Variants in ARHGAP26 observed in about 807,000 individuals in gnomAD.
The protein encoded by ARHGAP26 is Rho GTPase activating protein 26.
Under a neutral mutation model 104.8 loss-of-function variants are expected in ARHGAP26, and 38 were observed. That is an observed-to-expected ratio of 0.36 (90% confidence interval 0.28 to 0.48). The LOEUF (loss-of-function observed/expected upper bound fraction) is 0.48, where lower values mean the gene tolerates loss of function less well. Among genes scored for constraint, ARHGAP26 ranks in the 20% least tolerant of loss-of-function variants. The pLI is 0.99. For synonymous variants in ARHGAP26, 341 were observed against 340.0 expected (o/e 1.00, Z -0.03); for missense variants, 704 against 947.9 (o/e 0.74, Z 3.38).
intron 7 of ARHGAP26, among the ~76,000 whole-genome samples, chr5:142,903,158 T>C (rs894282647): frequency 3.9e-5 from 6 of 152,140 alleles, no homozygotes; most frequent in African/African-American, 9.7e-5. Context: ...GCAACATTCA[T>C]GGCAGCTGGA....
At chr5:142,952,501 G>T (rs577107959) in intron 11 of ARHGAP26, among the ~76,000 whole-genome samples, 2 of 152,316 alleles carry the variant, frequency 1.3e-5, no homozygotes, top group East Asian at 3.9e-4. Flanking sequence ...ACAGAGGAAA[G>T]CCTTGATACC....
chr5:142,962,143 G>A (rs1007200122), intron 11 of ARHGAP26, among the ~76,000 whole-genome samples: 10 of 152,168 alleles, frequency 6.6e-5, no homozygotes, highest in African/African-American at 9.7e-5. Context: ...AAAACTCTAC[G>A]CCTGTCTTCT....
chr5:143,157,019 G>A (rs959927265), intron 20 of ARHGAP26, among the ~76,000 whole-genome samples: 2 of 152,140 alleles, frequency 1.3e-5, no homozygotes, highest in African/African-American at 4.8e-5. Context: ...TGCTGGTATT[G>A]ACAGAAAAAT....
intron 20 of ARHGAP26, chr5:143,203,561 C>G (rs1176148574): frequency 6.6e-6 from 1 of 152,188 alleles, no homozygotes. Flanking sequence ...ACCCAGCAAT[C>G]CCACTACTGT....
intron 1 of ARHGAP26, among the ~76,000 whole-genome samples, chr5:142,859,161 C>G (rs145809449): frequency 3.3e-5 from 5 of 152,234 alleles, no homozygotes; most frequent in South Asian, 4.2e-4. Context: ...TTGTTCTGGG[C>G]AGCTGAGTGA....
In ARHGAP26 at chr5:143,041,802, G is replaced by GT; in HGVS notation, c.1211-11dup. 6.2e-7 allele frequency: 1 copy of GT among 1,601,848 alleles called. No individual in the cohort carries two copies. Among genetic ancestry groups the GT allele is most frequent in the South Asian group, 1.1e-5 (1 of 89,492 alleles). ...ACGTGCCTCTAATTAAATCATCACT[G>GT]TTTCTTTCCTCAGGGATCAACGAGC... On this transcript the variant is annotated splice_polypyrimidine_tract_variant and intron_variant, in intron 13 of 22. Transcript: ENST00000645722.
At chr5:142,953,868 A>G (rs1277507297) in intron 11 of ARHGAP26, among the ~76,000 whole-genome samples, 2 of 152,292 alleles carry the variant, frequency 1.3e-5, no homozygotes, top group African/African-American at 4.8e-5. Context: ...GTTTGGCACT[A>G]AAGAGGACTT....
chr5:143,157,375 A>G (rs1389165507), intron 20 of ARHGAP26, among the ~76,000 whole-genome samples: 1 of 151,850 alleles, frequency 6.6e-6, no homozygotes, highest in Non-Finnish European at 1.5e-5. Context: ...ACAGCGTTTC[A>G]CCATGTTGGC....
intron 1 of ARHGAP26, among the ~76,000 whole-genome samples, chr5:142,782,360 T>C (rs963198075): frequency 6.6e-6 from 1 of 152,160 alleles, no homozygotes; most frequent in Non-Finnish European, 1.5e-5. Flanking sequence ...TGGGAGTGAC[T>C]GAATCTATAA....
chr5:142,770,666 G>A lies in ARHGAP26; in HGVS notation c.-96G>A, dbSNP rs1434909963. On this transcript the variant is annotated 5_prime_UTR_variant, in exon 1 of 23. Transcript: ENST00000645722. The stretch of plus-strand genomic sequence containing the variant: ...CACCTGTGGAGCCGGCGGCCGTCGG[G>A]GGAGCCGGCCGGGGTCCCGCCGCGT... 1.1e-5 allele frequency: 10 copies of A among 937,748 alleles called. No individual in the cohort carries two copies. Among genetic ancestry groups the A allele is most frequent in the South Asian group, 4.9e-5 (1 of 20,376 alleles). The allele number at this position is 937,748 out of a possible 1,614,324, so 58.1% of individuals were successfully genotyped here. A position where few individuals can be genotyped will look rare whatever the true frequency, so the allele number is the denominator to read the frequency against.
rs1755015867 is a variant in ARHGAP26 at position 142,770,686 on chromosome 5, CCGCGTGAGTG to C, written c.-74_-65del. ...GTCGGGGGAGCCGGCCGGGGTCCCG[CCGCGTGAGTG>C]CTCTGGGCGGCGGGCGGCCCGGGCC... On this transcript the variant is annotated 5_prime_UTR_variant, in exon 1 of 23. Coordinates refer to ENST00000645722, the MANE Select transcript of ARHGAP26 (RefSeq NM_001135608.3). 9.7e-7 allele frequency: 1 copy of C among 1,030,748 alleles called. No homozygotes were observed. The highest frequency in any genetic ancestry group is 1.7e-5 in the African/African-American group (1 of 57,914). The allele number at this position is 1,030,748 out of a possible 1,614,324, so 63.9% of individuals were successfully genotyped here. A position where few individuals can be genotyped will look rare whatever the true frequency, so the allele number is the denominator to read the frequency against.
rs1292748437 is a variant in ARHGAP26 at position 142,949,201 on chromosome 5, GAGAGA to G, written c.1107+17077_1107+17081del. 2.0e-4 allele frequency among the ~76,000 whole-genome samples: 3 copies of G among 15,230 alleles called. 1 individual carries two copies. Among genetic ancestry groups the G allele is most frequent in the African/African-American group, 9.2e-4 (2 of 2,176 alleles). 10.0% of individuals were successfully genotyped at this position (15,230 alleles called of 152,430 possible). Reference sequence around the variant, plus strand: ...AGAGAGAGAGAGAGAGAGAGAGAGAGAGAGAGAGAGAGAGAGAGAGGAGAGAGAGA... The same window carrying G: ...AGAGAGAGAGAGAGAGAGAGAGAGAGGAGAGAGAGAGAGAGGAGAGAGAGA... On this transcript the variant is annotated intron_variant, in intron 11 of 22. Transcript: ENST00000645722.
At chr5:142,954,395 C>T (rs1311670413) in intron 11 of ARHGAP26, among the ~76,000 whole-genome samples, 1 of 152,192 alleles carries the variant, frequency 6.6e-6, no homozygotes, top group Non-Finnish European at 1.5e-5. Flanking sequence ...CCCAAGGCTA[C>T]CTGTACTCTG....
intron 20 of ARHGAP26, among the ~76,000 whole-genome samples, chr5:143,167,734 G>T (rs1034462018): frequency 1.3e-5 from 2 of 152,074 alleles, no homozygotes; most frequent in Admixed American, 6.6e-5. Flanking sequence ...TTAAGAATTT[G>T]TCTTGCCTAC....
chr5:142,993,186 G>A (rs1248406538), intron 11 of ARHGAP26, among the ~76,000 whole-genome samples: 3 of 132,114 alleles, frequency 2.3e-5, no homozygotes, highest in South Asian at 2.5e-4. Context: ...TTTTTGAGAC[G>A]GAGTCTCGCT....
At chr5:142,805,883 AGT>A (rs1413611559) in intron 1 of ARHGAP26, among the ~76,000 whole-genome samples, 2 of 152,186 alleles carry the variant, frequency 1.3e-5, no homozygotes, top group Admixed American at 1.3e-4. Context: ...TTAACCTTCC[AGT>A]GGCAATAGTC....
chr5:143,009,683 A>G (rs1778468082), intron 11 of ARHGAP26, among the ~76,000 whole-genome samples: 1 of 152,252 alleles, frequency 6.6e-6, no homozygotes, highest in African/African-American at 2.4e-5. Context: ...CTTCAGAAGC[A>G]TATACTTGAA....
intron 11 of ARHGAP26, among the ~76,000 whole-genome samples, chr5:143,007,047 T>TA (rs1462158976): frequency 2.6e-5 from 4 of 151,740 alleles, no homozygotes; most frequent in East Asian, 1.9e-4. Flanking sequence ...CCATCTCTAC[T>TA]AAAATACAAA....
At chr5:142,825,250 A>G (rs1198406453) in intron 1 of ARHGAP26, among the ~76,000 whole-genome samples, 1 of 152,238 alleles carries the variant, frequency 6.6e-6, no homozygotes, top group Non-Finnish European at 1.5e-5. Context: ...TGTTAGTAAC[A>G]GTAACTTGTT....
Sources: allele counts gnomAD v4.1 joint callset (sites outside exome capture counted in the v4.1 genomes callset), GRCh38; gene constraint gnomAD v4.1.1; transcripts MANE v1.5; gene names NCBI Gene and HGNC (gene_info 2026-07-23, HGNC 2026-07-21).